Variants in MAPK10 observed in about 807,000 individuals in gnomAD.
MAPK10 encodes mitogen-activated protein kinase 10.
MAPK10 carries 25 observed loss-of-function variants against 59.3 expected under a neutral mutation model. The ratio of observed to expected loss-of-function variants is 0.42; its 90% confidence interval spans 0.31 to 0.59. The LOEUF (loss-of-function observed/expected upper bound fraction) is 0.59, where lower values mean the gene tolerates loss of function less well. Ranked by LOEUF, MAPK10 falls within the 20% of genes least tolerant of loss-of-function variation. The pLI is 0.15. For missense variants in MAPK10, 351 were observed against 568.9 expected (o/e 0.62, Z 3.90); for synonymous variants, 190 against 200.5 (o/e 0.95, Z 0.44).
chr4:86,072,066 C>G (rs1490434942), intron 9 of MAPK10, among the ~76,000 whole-genome samples: 1,499 of 138,320 alleles, frequency 0.011, 17 homozygotes, highest in African/African-American at 0.038. Flanking sequence ...CTTTTATTTC[C>G]TTGAGCAGTG....
intron 4 of MAPK10, chr4:86,125,159 A>G (rs1346991670): frequency 6.6e-6 from 1 of 151,900 alleles, no homozygotes; most frequent in Non-Finnish European, 1.5e-5. Context: ...ATATTGTTAT[A>G]TATATTAAAT....
At chr4:86,385,947 A>G (rs1483733212) in intron 1 of MAPK10, among the ~76,000 whole-genome samples, 1 of 152,238 alleles carries the variant, frequency 6.6e-6, no homozygotes, top group African/African-American at 2.4e-5. Flanking sequence ...TGTAGTATTT[A>G]TCCAGTCTTA....
At chr4:86,056,999 T>C (rs547963353) in intron 11 of MAPK10, among the ~76,000 whole-genome samples, 1 of 149,208 alleles carries the variant, frequency 6.7e-6, no homozygotes, top group South Asian at 2.1e-4. Flanking sequence ...GGTCTCACTC[T>C]GTCTCCCAGG....
intron 4 of MAPK10, among the ~76,000 whole-genome samples, chr4:86,156,156 T>C (rs1581471870): frequency 6.6e-6 from 1 of 152,210 alleles, no homozygotes; most frequent in South Asian, 2.1e-4. Flanking sequence ...CGGGTACGTA[T>C]ACATATACAT....
At chr4:86,510,833 A>T (rs554403727) in intron 1 of MAPK10, among the ~76,000 whole-genome samples, 94 of 152,302 alleles carry the variant, frequency 6.2e-4, no homozygotes, top group African/African-American at 2.2e-3. Flanking sequence ...AAGCAAAAAA[A>T]TTGGCTCTCA....
chr4:86,173,552 T>C (rs2074925908), intron 3 of MAPK10, among the ~76,000 whole-genome samples: 1 of 152,078 alleles, frequency 6.6e-6, no homozygotes, highest in African/African-American at 2.4e-5. Flanking sequence ...GGCAATATCA[T>C]TCAGGAAATA....
rs1362052814 is a variant in MAPK10 at position 86,359,804 on chromosome 4, G to C, written c.-268C>G. On this transcript the variant is annotated 5_prime_UTR_variant, in exon 1 of 14. Transcript: ENST00000641462. ...ATTGTTTAAAATTAACGATGGACAG[G>C]TGATTTCCAAGAAAACCCAATCTTA... 2 of 985,554 alleles carry C rather than the reference G, an allele frequency of 2.0e-6. No individual in the cohort carries two copies. The highest frequency in any genetic ancestry group is 2.4e-6 in the Non-Finnish European group (2 of 829,916). The allele number at this position is 985,554 out of a possible 1,614,324, so 61.1% of individuals were successfully genotyped here.
chr4:86,183,993 A>G (rs2077544712), intron 3 of MAPK10, among the ~76,000 whole-genome samples: 1 of 151,554 alleles, frequency 6.6e-6, no homozygotes. Context: ...GGTTGTTTGT[A>G]TTTTTCTTGT....
rs1023975129 is a variant in MAPK10, at chr4:86,057,745, A to G, written c.1110+6521T>C. Among the ~76,000 whole-genome samples, 3 of 150,100 alleles carry G rather than the reference A, an allele frequency of 2.0e-5. 1 individual carries two copies. The highest frequency in any genetic ancestry group is 7.5e-5 in the African/African-American group (3 of 40,084). On this transcript the variant is annotated intron_variant, in intron 11 of 13. Transcript: ENST00000641462. Reference sequence around the variant, plus strand: ...ACAAATAGTCAAAGCTTATGTGAATAACTCTGTTGGATAAAAAAGAGAAAA... The same window carrying G: ...ACAAATAGTCAAAGCTTATGTGAATGACTCTGTTGGATAAAAAAGAGAAAA...
At chr4:86,410,313 T>C (rs188818623) in intron 1 of MAPK10, among the ~76,000 whole-genome samples, 14 of 152,326 alleles carry the variant, frequency 9.2e-5, no homozygotes, top group East Asian at 1.9e-4. Flanking sequence ...CAGTATTTTA[T>C]TGAGGATTTT....
chr4:86,046,624 G>A (rs957814400), intron 11 of MAPK10, among the ~76,000 whole-genome samples: 5 of 152,016 alleles, frequency 3.3e-5, no homozygotes, highest in Admixed American at 6.6e-5. Flanking sequence ...ATATTAACTC[G>A]GAAAAATTGG....
chr4:86,337,181 G>GAATA (rs1283254590), intron 2 of MAPK10, among the ~76,000 whole-genome samples: 1 of 152,170 alleles, frequency 6.6e-6, no homozygotes, highest in Admixed American at 6.5e-5. Flanking sequence ...TTTGTTGAAT[G>GAATA]AATAAATACA....
chr4:86,487,867 G>A (rs1446591990), intron 1 of MAPK10, among the ~76,000 whole-genome samples: 1 of 151,804 alleles, frequency 6.6e-6, no homozygotes, highest in African/African-American at 2.4e-5. Flanking sequence ...AAAAAGATAA[G>A]AGGTGAAGGA....
At chr4:86,030,895 C>T (rs1440749485) in intron 12 of MAPK10, among the ~76,000 whole-genome samples, 1 of 152,192 alleles carries the variant, frequency 6.6e-6, no homozygotes, top group Non-Finnish European at 1.5e-5. Context: ...CTCAGATACA[C>T]ATATTTTCTA....
At chr4:86,488,262 T>C (rs1346350855) in intron 1 of MAPK10, among the ~76,000 whole-genome samples, 1 of 152,164 alleles carries the variant, frequency 6.6e-6, no homozygotes, top group Non-Finnish European at 1.5e-5. Flanking sequence ...CATTATCCTT[T>C]TATTCTCTCG....
At position 86,017,105 on chromosome 4, in the gene MAPK10, CT is replaced by C; in HGVS notation, c.*122del. On this transcript the variant is annotated 3_prime_UTR_variant, in exon 14 of 14. Transcript: ENST00000641462. This position sits in a 1 kb window ranked among gnomAD's most constrained non-coding sequence, Gnocchi z 4.4. ...ATTTATTTAATTTTAGGCTTGGATTCTCTCCCTTGCTGTTTTCTTGATGTTG... is the reference window on the plus strand; with the variant it reads ...ATTTATTTAATTTTAGGCTTGGATTCCTCCCTTGCTGTTTTCTTGATGTTG... 9.2e-7 allele frequency: 1 copy of C among 1,084,034 alleles called. No individual in the cohort carries two copies. The highest frequency in any genetic ancestry group is 1.3e-6 in the Non-Finnish European group (1 of 752,974). The allele number at this position is 1,084,034 out of a possible 1,614,324, so 67.2% of individuals were successfully genotyped here.
At chr4:86,035,521 G>C (rs908789937) in intron 11 of MAPK10, among the ~76,000 whole-genome samples, 2 of 151,532 alleles carry the variant, frequency 1.3e-5, no homozygotes, top group Non-Finnish European at 2.9e-5. Flanking sequence ...AGAAGAGGTA[G>C]GGAGCCATTG....
intron 1 of MAPK10, among the ~76,000 whole-genome samples, chr4:86,563,776 T>C (rs1384236545): frequency 1.3e-5 from 2 of 152,224 alleles, no homozygotes; most frequent in Non-Finnish European, 2.9e-5. Flanking sequence ...CCAGGCCAGA[T>C]GGAGCTGGAC....
At chr4:86,155,320 A>AT (rs1449545145) in intron 4 of MAPK10, among the ~76,000 whole-genome samples, 1 of 151,850 alleles carries the variant, frequency 6.6e-6, no homozygotes, top group African/African-American at 2.4e-5. Context: ...ACCAGAAATG[A>AT]TTTTTTCAAA....
Sources: allele counts gnomAD v4.1 joint callset (sites outside exome capture counted in the v4.1 genomes callset), GRCh38; gene constraint gnomAD v4.1.1; non-coding constraint Gnocchi (gnomAD v3.1); transcripts MANE v1.5; gene names NCBI Gene and HGNC (gene_info 2026-07-23, HGNC 2026-07-21).